The following BMPR1B variants were observed in gnomAD, a reference collection of about 807,000 sequenced individuals.
BMPR1B encodes bone morphogenetic protein receptor type-1B.
In BMPR1B, 12 loss-of-function variants were observed where a neutral mutation model predicts 59.1. That is an observed-to-expected ratio of 0.20 (90% CI 0.13 to 0.33). BMPR1B has a LOEUF of 0.33. Among genes scored for constraint, BMPR1B ranks in the 10% least tolerant of loss-of-function variants. BMPR1B has a pLI of 1.00. For synonymous variants in BMPR1B, 237 were observed against 207.3 expected, an observed-to-expected ratio of 1.14 and a Z score of -1.23; for missense variants, 550 against 610.9, an observed-to-expected ratio of 0.90 and a Z score of 1.05.
rs1260291631 is a variant in BMPR1B, at chr4:94,841,100, TGAG to T, written c.-182-34726_-182-34724del. ...GGGTGTCAGGGGTCAGGGACCCACT[TGAG>T]GAGGCAGTCTGCCCGTTCTCAGATC... On this transcript the variant is annotated intron_variant, in intron 1 of 12. Transcript: ENST00000515059. Among the ~76,000 whole-genome samples, 10 of 148,820 alleles carry T rather than the reference TGAG, an allele frequency of 6.7e-5. 1 individual carries two copies. Among genetic ancestry groups the T allele is most frequent in the African/African-American group, 1.7e-4 (7 of 40,360 alleles).
chr4:95,108,605 G>T (rs1053302305), intron 4 of BMPR1B, among the ~76,000 whole-genome samples: 2 of 152,068 alleles, frequency 1.3e-5, no homozygotes, highest in African/African-American at 4.8e-5. Context: ...GCCAAGGCCA[G>T]AGTCATTCTT....
rs146337135 is a variant in BMPR1B, at chr4:94,983,215, A to G, written c.-112-12825A>G. 6.9e-3 allele frequency among the ~76,000 whole-genome samples: 1,046 copies of G among 152,006 alleles called. 10 individuals are homozygous for G. Among genetic ancestry groups the G allele is most frequent in the African/African-American group, 0.023 (933 of 41,440 alleles). On this transcript the variant is annotated intron_variant, in intron 2 of 12. Transcript: ENST00000515059. Reference sequence around the variant, plus strand: ...AAGCTTTGTTTTCCCAAATATTATCACATTATTCTGTTTAAATTTTATTAT... The same window carrying G: ...AAGCTTTGTTTTCCCAAATATTATCGCATTATTCTGTTTAAATTTTATTAT...
intron 2 of BMPR1B, among the ~76,000 whole-genome samples, chr4:94,949,761 G>A (rs923050375): frequency 3.9e-5 from 6 of 152,166 alleles, no homozygotes; most frequent in African/African-American, 1.4e-4. Flanking sequence ...ACGTGTGCAT[G>A]TGTCTTTAAA....
chr4:94,774,911 A>G (rs892548592), intron 1 of BMPR1B, among the ~76,000 whole-genome samples: 2 of 152,110 alleles, frequency 1.3e-5, no homozygotes, highest in African/African-American at 4.8e-5. Context: ...TTTTTTCATA[A>G]TGGCGGAAAT....
rs771544268 is a variant in BMPR1B at position 94,770,180 on chromosome 4, G to GGTTTTTTTT, written c.-183+12112_-183+12113insGTTTTTTTT. 4.1e-3 allele frequency among the ~76,000 whole-genome samples: 439 copies of GGTTTTTTTT among 106,088 alleles called. 7 individuals are homozygous for GGTTTTTTTT. Among genetic ancestry groups the GGTTTTTTTT allele is most frequent in the African/African-American group, 8.9e-3 (214 of 24,116 alleles). 69.6% of individuals were successfully genotyped at this position (106,088 alleles called of 152,430 possible). On this transcript the variant is annotated intron_variant, in intron 1 of 12. Transcript: ENST00000515059. ...TTTGTTTGAATTGTCCTTCGTTTCT[G>GGTTTTTTTT]TGTTTGTTTTTTTTTTTTTTTTTTG...
Position 95,104,406 on chromosome 4 carries a change from A to G in BMPR1B, c.-17-2A>G. ...CCTAACTCTCACTATTTCTTCTTTC[A>G]GCAAACTTCCTTGATAACATGCTTT... On this transcript the variant is annotated splice_acceptor_variant, in intron 3 of 12. Coordinates refer to ENST00000515059, the MANE Select transcript of BMPR1B (RefSeq NM_001203.3). LOFTEE classifies it low-confidence loss of function (5UTR_SPLICE). 6.2e-7 allele frequency: 1 copy of G among 1,612,842 alleles called. No homozygotes were observed. Among genetic ancestry groups the G allele is most frequent in the Non-Finnish European group, 8.5e-7 (1 of 1,179,326 alleles).
chr4:94,951,580 G>T (rs915851099), intron 2 of BMPR1B, among the ~76,000 whole-genome samples: 1 of 151,170 alleles, frequency 6.6e-6, no homozygotes, highest in Non-Finnish European at 1.5e-5. Context: ...TAAGTTTATT[G>T]ATTTGCCTTG....
chr4:95,143,799 G>A (rs544691809), intron 10 of BMPR1B, among the ~76,000 whole-genome samples: 2 of 152,226 alleles, frequency 1.3e-5, no homozygotes, highest in African/African-American at 4.8e-5. Flanking sequence ...ATTATTCACT[G>A]CTTGTCTGGG....
At chr4:94,815,040 A>G (rs184143442) in intron 1 of BMPR1B, among the ~76,000 whole-genome samples, 1 of 152,114 alleles carries the variant, frequency 6.6e-6, no homozygotes, top group East Asian at 1.9e-4. Context: ...AGTAGCTGGG[A>G]TTACAGGCAC....
chr4:95,051,604 G>A (rs1726505912), intron 3 of BMPR1B: 2 of 1,179,802 alleles, frequency 1.7e-6, no homozygotes, highest in Non-Finnish European at 2.4e-6. Context: ...GAGAAGATCT[G>A]ACAAGAGTGG....
chr4:95,000,365 A>G (rs1283059817), intron 3 of BMPR1B, among the ~76,000 whole-genome samples: 1 of 152,118 alleles, frequency 6.6e-6, no homozygotes, highest in East Asian at 1.9e-4. Context: ...TAGTTTGCCC[A>G]TATAACTATC....
At chr4:94,914,979 C>T (rs534782249) in intron 2 of BMPR1B, among the ~76,000 whole-genome samples, 39 of 152,166 alleles carry the variant, frequency 2.6e-4, no homozygotes, top group African/African-American at 6.5e-4. Context: ...CTGATGATCA[C>T]GCAATACCTC....
chr4:94,937,259 G>T (rs976987384), intron 2 of BMPR1B, among the ~76,000 whole-genome samples: 1 of 152,020 alleles, frequency 6.6e-6, no homozygotes, highest in African/African-American at 2.4e-5. Flanking sequence ...CTATTTAAAT[G>T]ACCTGTATCT....
intron 3 of BMPR1B, among the ~76,000 whole-genome samples, chr4:95,062,254 G>A (rs749507856): frequency 2.6e-5 from 4 of 152,024 alleles, no homozygotes; most frequent in Non-Finnish European, 5.9e-5. Context: ...AAGAATAAAT[G>A]TCAGTGTATG....
rs1360920185 is a variant in BMPR1B at position 95,125,106 on chromosome 4, A to G, written c.570A>G (p.Ser190=). Residue 190 remains serine, a synonymous_variant, in exon 8 of 13, where the codon TCA becomes TCG. Transcript: ENST00000515059. Reference sequence around the variant, plus strand: ...AGTCTCAGAGCTCAGGAAGTGGATCAGGCCTCCCTCTGCTGGTATGAGAAG... The same window carrying G: ...AGTCTCAGAGCTCAGGAAGTGGATCGGGCCTCCCTCTGCTGGTATGAGAAG... ...IEQSQSSGSG[S]GLPLLVQRTI... The G allele has an allele frequency of 1.2e-6, 2 of 1,613,788 alleles. No homozygotes were observed. The highest frequency in any genetic ancestry group is 1.7e-6 in the Non-Finnish European group (2 of 1,179,778).
chr4:94,938,932 G>A (rs1473235611), intron 2 of BMPR1B, among the ~76,000 whole-genome samples: 2 of 152,012 alleles, frequency 1.3e-5, no homozygotes, highest in Non-Finnish European at 2.9e-5. Context: ...GATCACTTGA[G>A]CCCAGGAGTT....
chr4:95,019,244 G>A (rs1438864182), intron 3 of BMPR1B, among the ~76,000 whole-genome samples: 6 of 152,104 alleles, frequency 3.9e-5, no homozygotes, highest in East Asian at 3.9e-4. Flanking sequence ...TGTGCCCAGC[G>A]TCCTCATTTT....
At chr4:94,835,781 T>C (rs1188098865) in intron 1 of BMPR1B, among the ~76,000 whole-genome samples, 4 of 152,288 alleles carry the variant, frequency 2.6e-5, no homozygotes, top group African/African-American at 2.4e-5. Context: ...TATTATACTT[T>C]AAGTTTTAGG....
At chr4:95,108,169 T>C (rs1188137760) in intron 4 of BMPR1B, among the ~76,000 whole-genome samples, 3 of 152,114 alleles carry the variant, frequency 2.0e-5, no homozygotes, top group Non-Finnish European at 4.4e-5. Context: ...GACATAAATT[T>C]GTTCCTTTAG....
Sources: allele counts gnomAD v4.1 joint callset (sites outside exome capture counted in the v4.1 genomes callset), GRCh38; gene constraint gnomAD v4.1.1; transcripts MANE v1.5; gene names NCBI Gene and HGNC (gene_info 2026-07-23, HGNC 2026-07-21).